The following QKI variants were observed in gnomAD, a reference collection of about 807,000 sequenced individuals.
QKI encodes the protein KH domain-containing RNA-binding protein QKI.
Under a neutral mutation model 39.0 loss-of-function variants are expected in QKI, and 10 were observed. The ratio of observed to expected loss-of-function variants is 0.26; its 90% CI spans 0.16 to 0.43. The LOEUF (loss-of-function observed/expected upper bound fraction) is 0.43. Ranked by LOEUF, QKI falls within the 20% of genes least tolerant of loss-of-function variation. The pLI is 1.00. For missense variants in QKI, 218 were observed against 428.0 expected (o/e 0.51, Z 4.33); for synonymous variants, 204 against 155.4 (o/e 1.31, Z -2.33).
intron 1 of QKI, among the ~76,000 whole-genome samples, chr6:163,443,863 C>G (rs1189724522): frequency 6.6e-6 from 1 of 152,182 alleles, no homozygotes; most frequent in African/African-American, 2.4e-5. Flanking sequence ...ACCCCTACCT[C>G]CTACACAGAC....
At chr6:163,544,056 A>G (rs1781713537) in intron 4 of QKI, among the ~76,000 whole-genome samples, 1 of 152,030 alleles carries the variant, frequency 6.6e-6, no homozygotes, top group South Asian at 2.1e-4. Context: ...AATAAATAAG[A>G]TACTTAGGTT....
chr6:163,570,765 G>A lies in QKI; in HGVS notation c.*55G>A. On this transcript the variant is annotated 3_prime_UTR_variant, in exon 8 of 8. Transcript: ENST00000361752. Reference sequence around the variant, plus strand: ...ACCCAATGATGACCTGACCATGCCTGCCTGCTGATCAGTTAACTGGTAATC... The same window carrying A: ...ACCCAATGATGACCTGACCATGCCTACCTGCTGATCAGTTAACTGGTAATC... The A allele has an allele frequency of 6.2e-7, 1 of 1,601,948 alleles. No homozygotes were observed. The highest frequency in any genetic ancestry group is 8.5e-7 in the Non-Finnish European group (1 of 1,173,434).
chr6:163,530,875 C>A (rs760352467), intron 3 of QKI, among the ~76,000 whole-genome samples: 14 of 152,166 alleles, frequency 9.2e-5, no homozygotes, highest in Non-Finnish European at 1.3e-4. Context: ...CATCTGGAAC[C>A]TCAGATCCCT....
intron 4 of QKI, among the ~76,000 whole-genome samples, chr6:163,545,772 T>A (rs748454190): frequency 3.9e-5 from 6 of 151,960 alleles, no homozygotes; most frequent in Non-Finnish European, 7.4e-5. Flanking sequence ...AATTCTAAAT[T>A]TTAGGCGTTG....
chr6:163,565,688 T>C (rs1376599955), intron 6 of QKI: 1 of 1,139,198 alleles, frequency 8.8e-7, no homozygotes, highest in African/African-American at 1.6e-5. Context: ...CATTTCTTGC[T>C]TTGCCACCTA....
chr6:163,458,390 G>A (rs1450029993), intron 2 of QKI, among the ~76,000 whole-genome samples: 1 of 152,142 alleles, frequency 6.6e-6, no homozygotes, highest in Non-Finnish European at 1.5e-5. Context: ...GCTCTATGAG[G>A]GCAGGAATCT....
intron 3 of QKI, among the ~76,000 whole-genome samples, chr6:163,502,881 G>A (rs552664461): frequency 1.3e-5 from 2 of 152,150 alleles, no homozygotes; most frequent in South Asian, 4.2e-4. Flanking sequence ...TAATAGGATT[G>A]CTGGGTCAAG....
chr6:163,488,294 CA>C (rs1415711115), intron 3 of QKI, among the ~76,000 whole-genome samples: 2 of 151,136 alleles, frequency 1.3e-5, no homozygotes, highest in African/African-American at 4.9e-5. Flanking sequence ...TGGAATCAGC[CA>C]ATTTTTTAGG....
intron 4 of QKI, among the ~76,000 whole-genome samples, chr6:163,548,854 G>T (rs1358753358): frequency 6.6e-6 from 1 of 152,190 alleles, no homozygotes; most frequent in African/African-American, 2.4e-5. Context: ...AGACCCGGAA[G>T]GTGACAGTTG....
chr6:163,558,433 C>G (rs1021775635), intron 4 of QKI, among the ~76,000 whole-genome samples: 9 of 149,286 alleles, frequency 6.0e-5, no homozygotes, highest in African/African-American at 1.7e-4. Flanking sequence ...ACAGTCTCGC[C>G]CTGTTGCCTA....
intron 2 of QKI, among the ~76,000 whole-genome samples, chr6:163,466,460 G>A (rs1791762689): frequency 7.2e-6 from 1 of 138,504 alleles, no homozygotes. Flanking sequence ...TGAGAACAAA[G>A]CTGAAGACAT....
At chr6:163,565,311 C>G (rs1171008207) in intron 6 of QKI, 4 of 986,490 alleles carry the variant, frequency 4.1e-6, no homozygotes, top group Non-Finnish European at 4.8e-6. Context: ...GCATCTGTTC[C>G]CGAGGAGTTA....
At chr6:163,553,331 G>T (rs947491670) in intron 4 of QKI, among the ~76,000 whole-genome samples, 1 of 151,896 alleles carries the variant, frequency 6.6e-6, no homozygotes, top group African/African-American at 2.4e-5. Context: ...TCAAACTCCT[G>T]ACCTCAAGTG....
chr6:163,555,711 A>G (rs980490876), intron 4 of QKI, among the ~76,000 whole-genome samples: 8 of 152,186 alleles, frequency 5.3e-5, no homozygotes, highest in African/African-American at 1.9e-4. Context: ...AATGCCCTGA[A>G]TGCTGGAGAA....
In QKI at chr6:163,575,135, C is replaced by A. The variant is rs2128254300; in HGVS notation, c.*4425C>A. 6.6e-6 allele frequency: 1 copy of A among 152,176 alleles called. No individual in the cohort carries two copies. Among genetic ancestry groups the A allele is most frequent in the Non-Finnish European group, 1.5e-5 (1 of 68,024 alleles). The allele number at this position is 152,176 out of a possible 1,614,324, so 9.4% of individuals were successfully genotyped here. A position where few individuals can be genotyped will look rare whatever the true frequency, so the allele number is the denominator to read the frequency against. ...AACATGCTACTATTTGTAAAAGTTT[C>A]CGTTGCCATAACAGTTCATGTAGTA... On this transcript the variant is annotated 3_prime_UTR_variant, in exon 8 of 8. Coordinates refer to ENST00000361752, the MANE Select transcript of QKI (RefSeq NM_006775.3).
chr6:163,477,262 C>G (rs115671988), intron 2 of QKI, among the ~76,000 whole-genome samples: 4,234 of 152,216 alleles, frequency 0.028, 193 homozygotes, highest in African/African-American at 0.096. Context: ...GTGATCCACC[C>G]CGTCTTGGCC....
At chr6:163,543,688 A>G (rs1247413697) in intron 4 of QKI, among the ~76,000 whole-genome samples, 1 of 152,102 alleles carries the variant, frequency 6.6e-6, no homozygotes, top group Admixed American at 6.6e-5. Context: ...GCAAAACTGT[A>G]TAGAAGGCTG....
intron 3 of QKI, among the ~76,000 whole-genome samples, chr6:163,514,508 CA>C (rs1779673173): frequency 6.6e-6 from 1 of 151,994 alleles, no homozygotes. Flanking sequence ...GTAGTTGGGA[CA>C]GTTCTAAAAG....
chr6:163,564,672 A>T (rs1323350570), intron 6 of QKI: 1 of 1,614,064 alleles, frequency 6.2e-7, no homozygotes, highest in Non-Finnish European at 8.5e-7. Flanking sequence ...TATAGAGTGG[A>T]TTGAAATGCC....
Sources: allele counts gnomAD v4.1 joint callset (sites outside exome capture counted in the v4.1 genomes callset), GRCh38; gene constraint gnomAD v4.1.1; transcripts MANE v1.5; gene names NCBI Gene and HGNC (gene_info 2026-07-23, HGNC 2026-07-21).